Variants in KLF12 observed in about 807,000 individuals in gnomAD.
KLF12 encodes the protein KLF transcription factor 12.
A neutral mutation model predicts 37.8 loss-of-function variants in KLF12; 9 were observed. The ratio of observed to expected loss-of-function variants is 0.24; its 90% confidence interval spans 0.14 to 0.42. The LOEUF is 0.42. KLF12 is among the 10% of genes least tolerant of loss of function. The pLI is 1.00. For missense variants in KLF12, 411 were observed against 516.0 expected, an observed-to-expected ratio of 0.80 and a Z score of 1.97; for synonymous variants, 208 against 202.1, an observed-to-expected ratio of 1.03 and a Z score of -0.25.
At chr13:73,755,505 T>G (rs1346653276) in intron 6 of KLF12, among the ~76,000 whole-genome samples, 1 of 152,226 alleles carries the variant, frequency 6.6e-6, no homozygotes, top group East Asian at 1.9e-4. Flanking sequence ...TAGCCTTGTT[T>G]ACCCAATGCT....
At position 73,876,996 on chromosome 13, in the gene KLF12, G is replaced by C. The variant is rs528920959; in HGVS notation, c.124-30623C>G. ...TGCCACTGCACTCTAGCCTGGGTGA[G>C]AGTGAGACTCCGTCTCAAAAAAAAA... On this transcript the variant is annotated intron_variant, in intron 3 of 7. Coordinates refer to ENST00000377669, the MANE Select transcript of KLF12 (RefSeq NM_007249.5). 2.8e-3 allele frequency among the ~76,000 whole-genome samples: 417 copies of C among 150,650 alleles called. 3 individuals are homozygous for C. The highest frequency in any genetic ancestry group is 9.8e-3 in the African/African-American group (401 of 41,002).
chr13:73,970,076 T>C (rs1184728283), intron 2 of KLF12, among the ~76,000 whole-genome samples: 2 of 152,156 alleles, frequency 1.3e-5, no homozygotes, highest in Non-Finnish European at 2.9e-5. Context: ...TAATTTGATA[T>C]ATAGCTGGTG....
At chr13:73,880,931 C>A (rs560728200) in intron 3 of KLF12, among the ~76,000 whole-genome samples, 1 of 152,250 alleles carries the variant, frequency 6.6e-6, no homozygotes, top group South Asian at 2.1e-4. Context: ...GTTATTATTG[C>A]ATTAGAAAAT....
rs1038111462 is a variant in KLF12 at position 73,694,632 on chromosome 13, C to T, written c.*858G>A. On this transcript the variant is annotated 3_prime_UTR_variant, in exon 8 of 8. Transcript: ENST00000377669. Reference sequence around the variant, plus strand: ...TCCCCTGGTTCCTTGTAATCAAATACTAGGGGCAGGAAGAGATGATGCCTA... The same window carrying T: ...TCCCCTGGTTCCTTGTAATCAAATATTAGGGGCAGGAAGAGATGATGCCTA... 1.3e-5 allele frequency: 2 copies of T among 152,610 alleles called. No individual in the cohort carries two copies. The highest frequency in any genetic ancestry group is 4.8e-5 in the African/African-American group (2 of 41,418). 9.5% of individuals were successfully genotyped at this position (152,610 alleles called of 1,614,324 possible).
chr13:74,013,618 G>T (rs576890717), intron 1 of KLF12, among the ~76,000 whole-genome samples: 1 of 152,176 alleles, frequency 6.6e-6, no homozygotes, highest in East Asian at 1.9e-4. Flanking sequence ...ATCTAGGGGG[G>T]CAAAGAAATT....
At chr13:74,279,887 TG>T in the KLF12 span, among the ~76,000 whole-genome samples, 1 of 152,206 alleles carries the variant, frequency 6.6e-6, no homozygotes, top group African/African-American at 2.4e-5. Context: ...ATCTAAGTCT[TG>T]GGCAAATTTA....
At chr13:74,269,007 G>A in the KLF12 span, among the ~76,000 whole-genome samples, 65,592 of 152,034 alleles carry the variant, frequency 0.43, 17,025 homozygotes, top group East Asian at 0.75. Context: ...CAACTGAGAC[G>A]AAAGTGGGGC....
chr13:74,109,965 C>CT (rs1876879560), intron 1 of KLF12, among the ~76,000 whole-genome samples: 1 of 152,066 alleles, frequency 6.6e-6, no homozygotes, highest in South Asian at 2.1e-4. Flanking sequence ...ATAGCTAAGA[C>CT]TTTTGGGGAA....
chr13:74,022,351 C>A (rs1892862113), intron 1 of KLF12, among the ~76,000 whole-genome samples: 1 of 152,116 alleles, frequency 6.6e-6, no homozygotes, highest in South Asian at 2.1e-4. Context: ...ATTTTTATGT[C>A]CTGCACAAAA....
intron 2 of KLF12, among the ~76,000 whole-genome samples, chr13:73,972,210 CTAACAT>C (rs1891367295): frequency 6.6e-6 from 1 of 152,098 alleles, no homozygotes; most frequent in South Asian, 2.1e-4. Flanking sequence ...AATTTAAAGG[CTAACAT>C]TATGAGTTTT....
chr13:73,902,405 C>A (rs1424118335), intron 3 of KLF12, among the ~76,000 whole-genome samples: 2 of 152,104 alleles, frequency 1.3e-5, no homozygotes, highest in African/African-American at 2.4e-5. Context: ...TTTTTAAAAA[C>A]CATCATGGGA....
chr13:73,834,907 G>A (rs973662732), intron 4 of KLF12, among the ~76,000 whole-genome samples: 14 of 152,144 alleles, frequency 9.2e-5, no homozygotes, highest in Non-Finnish European at 1.9e-4. Flanking sequence ...TAGCACACAA[G>A]TTGCCATATA....
At chr13:73,722,085 G>C (rs1274400715) in intron 6 of KLF12, among the ~76,000 whole-genome samples, 1 of 152,070 alleles carries the variant, frequency 6.6e-6, no homozygotes, top group Non-Finnish European at 1.5e-5. Flanking sequence ...AGTATATTTT[G>C]TACTGTTTCT....
chr13:73,945,361 C>T (rs1470627635), intron 2 of KLF12, among the ~76,000 whole-genome samples: 1 of 151,474 alleles, frequency 6.6e-6, no homozygotes, highest in Admixed American at 6.6e-5. Context: ...CCAAGCTACT[C>T]GGGAGGCTGA....
chr13:73,908,096 A>G (rs1243181438), intron 3 of KLF12, among the ~76,000 whole-genome samples: 1 of 152,144 alleles, frequency 6.6e-6, no homozygotes, highest in Non-Finnish European at 1.5e-5. Context: ...AGGCCTGAGC[A>G]TCTAATTAAA....
intron 1 of KLF12, among the ~76,000 whole-genome samples, chr13:74,097,429 T>C (rs980247395): frequency 1.3e-5 from 2 of 152,188 alleles, no homozygotes; most frequent in Non-Finnish European, 2.9e-5. Context: ...AGAAAACTGA[T>C]GCACAAATCA....
At chr13:74,118,375 T>A (rs1381134172) in intron 1 of KLF12, among the ~76,000 whole-genome samples, 1 of 152,220 alleles carries the variant, frequency 6.6e-6, no homozygotes, top group East Asian at 1.9e-4. Context: ...AAGCCACACG[T>A]CTCACAATGC....
At position 74,060,484 on chromosome 13, in the gene KLF12, TTGTGTGTGTGTGTG is replaced by T. The variant is rs60242793; in HGVS notation, c.-31-65445_-31-65432del. Among the ~76,000 whole-genome samples, 933 of 108,612 alleles carry T rather than the reference TTGTGTGTGTGTGTG, an allele frequency of 8.6e-3. 21 individuals are homozygous for T. The highest frequency in any genetic ancestry group is 0.032 in the African/African-American group (867 of 27,006). 71.3% of individuals were successfully genotyped at this position (108,612 alleles called of 152,430 possible). A position where few individuals can be genotyped will look rare whatever the true frequency, so the allele number is the denominator to read the frequency against. ...CCGTGGTTAAATGTATACCTAGGTT[TTGTGTGTGTGTGTG>T]TGTGTGTGTGTGTGTGTGTGTGTGT... On this transcript the variant is annotated intron_variant, in intron 1 of 7. Transcript: ENST00000377669.
At chr13:74,023,561 C>T (rs914406326) in intron 1 of KLF12, among the ~76,000 whole-genome samples, 3 of 152,184 alleles carry the variant, frequency 2.0e-5, no homozygotes, top group African/African-American at 7.2e-5. Flanking sequence ...CCAATAATCG[C>T]TGGTATTCCT....
Sources: gnomAD v4.1 joint callset for allele counts (sites outside exome capture counted in the v4.1 genomes callset) on GRCh38, gnomAD v4.1.1 for gene constraint, MANE v1.5 for transcripts, NCBI Gene and HGNC (gene_info 2026-07-23, HGNC 2026-07-21) for gene names.